The following SPOPL variants were observed in gnomAD, a reference collection of about 807,000 sequenced individuals.
SPOPL encodes speckle type BTB/POZ protein like.
Under a neutral mutation model 53.8 loss-of-function variants are expected in SPOPL, and 23 were observed. That is an observed-to-expected ratio of 0.43 (90% CI 0.31 to 0.61). SPOPL has a LOEUF of 0.61. Among genes scored for constraint, SPOPL ranks in the 20% least tolerant of loss-of-function variants. SPOPL has a pLI of 0.12. For missense variants in SPOPL, 442 were observed against 466.9 expected, an observed-to-expected ratio of 0.95 and a Z score of 0.49; for synonymous variants, 164 against 149.7, an observed-to-expected ratio of 1.10 and a Z score of -0.70.
At chr2:138,568,642 GA>G (rs768752058) in intron 10 of SPOPL, among the ~76,000 whole-genome samples, 21 of 152,094 alleles carry the variant, frequency 1.4e-4, no homozygotes, top group Non-Finnish European at 3.1e-4. Flanking sequence ...TAAAAGAAGA[GA>G]AAGGGACTCT....
chr2:138,542,678 A>C (rs1685100389), intron 1 of SPOPL, among the ~76,000 whole-genome samples: 1 of 151,542 alleles, frequency 6.6e-6, no homozygotes, highest in African/African-American at 2.4e-5. Flanking sequence ...ATGGGTCTTG[A>C]CTCTTTATCC....
At chr2:138,540,639 G>T (rs1477316905) in intron 1 of SPOPL, among the ~76,000 whole-genome samples, 17 of 152,152 alleles carry the variant, frequency 1.1e-4, no homozygotes, top group African/African-American at 1.9e-4. Flanking sequence ...AAGGAGATTT[G>T]GGGCTGAGAC....
chr2:138,552,731 G>A (rs1266856081), intron 5 of SPOPL, 50 bp downstream of exon 5: 1 of 1,570,484 alleles, frequency 6.4e-7, no homozygotes, highest in Non-Finnish European at 8.6e-7. Flanking sequence ...TAGTGATATG[G>A]CAAAAGTATA....
intron 1 of SPOPL, among the ~76,000 whole-genome samples, chr2:138,515,300 A>G (rs1421099433): frequency 1.3e-5 from 2 of 152,206 alleles, no homozygotes; most frequent in Non-Finnish European, 2.9e-5. Flanking sequence ...TAATTACACA[A>G]TGCTGGAATG....
At chr2:138,533,853 T>C (rs1219932113) in intron 1 of SPOPL, among the ~76,000 whole-genome samples, 3 of 152,116 alleles carry the variant, frequency 2.0e-5, no homozygotes, top group South Asian at 4.1e-4. Context: ...TAAACAAAAA[T>C]ACTGTATGTA....
intron 5 of SPOPL, among the ~76,000 whole-genome samples, chr2:138,555,766 G>A (rs907322750): frequency 1.3e-5 from 2 of 152,110 alleles, no homozygotes; most frequent in Admixed American, 6.6e-5. Context: ...AATGTTCCTT[G>A]TCTGTCTAAA....
At chr2:138,551,841 A>T (rs1685319712) in intron 4 of SPOPL, among the ~76,000 whole-genome samples, 1 of 152,006 alleles carries the variant, frequency 6.6e-6, no homozygotes, top group Non-Finnish European at 1.5e-5. Flanking sequence ...TACTTTCTGT[A>T]GAGGATCTTG....
chr2:138,567,372 A>AGTGTGTGT (rs57208490), intron 10 of SPOPL, among the ~76,000 whole-genome samples: 1,810 of 113,002 alleles, frequency 0.016, 36 homozygotes, highest in Non-Finnish European at 0.023. Flanking sequence ...AGAGCAGTAT[A>AGTGTGTGT]GTGTGTGTGT....
intron 1 of SPOPL, among the ~76,000 whole-genome samples, chr2:138,504,004 G>A (rs1684161805): frequency 6.6e-6 from 1 of 152,054 alleles, no homozygotes; most frequent in Admixed American, 6.6e-5. Flanking sequence ...AGTTTTTGCC[G>A]TATTTGCTTA....
intron 5 of SPOPL, among the ~76,000 whole-genome samples, chr2:138,556,444 C>A (rs1487707469): frequency 6.6e-6 from 1 of 152,158 alleles, no homozygotes; most frequent in Non-Finnish European, 1.5e-5. Flanking sequence ...ATGTATCATG[C>A]AAGCCATTGA....
rs113828903 is a variant in SPOPL at position 138,541,113 on chromosome 2, C to T, written c.-60-9044C>T. 5.6e-3 allele frequency among the ~76,000 whole-genome samples: 855 copies of T among 152,098 alleles called. 8 individuals are homozygous for T. The highest frequency in any genetic ancestry group is 0.019 in the African/African-American group (796 of 41,472). ...GAAGCCCACTTGTTCATCATGGATA[C>T]GCTTCTTGATGTGCTGCTGGATTCA... On this transcript the variant is annotated intron_variant, in intron 1 of 10. Coordinates refer to ENST00000280098, the MANE Select transcript of SPOPL (RefSeq NM_001001664.3).
At chr2:138,530,113 G>A (rs538877905) in intron 1 of SPOPL, among the ~76,000 whole-genome samples, 84 of 152,264 alleles carry the variant, frequency 5.5e-4, no homozygotes, top group African/African-American at 1.9e-3. Flanking sequence ...AAAGATAATG[G>A]CCTCCAGCTC....
chr2:138,520,548 A>AT (rs1367039292), intron 1 of SPOPL, among the ~76,000 whole-genome samples: 1 of 152,166 alleles, frequency 6.6e-6, no homozygotes, highest in Non-Finnish European at 1.5e-5. Context: ...GTTGTAGAAG[A>AT]TTTTATCTGG....
Position 138,551,697 on chromosome 2 carries a change from T to A in SPOPL, c.352+643T>A, listed in dbSNP as rs147156435. 6.6e-5 allele frequency among the ~76,000 whole-genome samples: 10 copies of A among 152,188 alleles called. No homozygotes were observed. In the East Asian group the frequency reaches 1.9e-3, roughly 29 times the overall value. On this transcript the variant is annotated intron_variant, in intron 4 of 10. Transcript: ENST00000280098. ...TGATTACAGAAAATTCACATTCACA[T>A]ACATTTTTAAATAATGTATTGCTAA...
In SPOPL at chr2:138,546,816, A is replaced by G. The variant is rs539278181; in HGVS notation, c.-60-3341A>G. Among the ~76,000 whole-genome samples, 12 of 152,364 alleles carry G rather than the reference A, an allele frequency of 7.9e-5. No homozygotes were observed. In the South Asian group the frequency reaches 2.3e-3, roughly 29 times the overall value. On this transcript the variant is annotated intron_variant, in intron 1 of 10. Transcript: ENST00000280098. The stretch of plus-strand genomic sequence containing the variant: ...ACAGAGCTACTGAAGAATGAACAAC[A>G]TATATAATATCTTGTAAAGTGCTCA...
chr2:138,562,783 CAAAAAA>C (rs35397774), intron 8 of SPOPL, among the ~76,000 whole-genome samples: 2 of 64,138 alleles, frequency 3.1e-5, no homozygotes, highest in Admixed American at 1.7e-4. Flanking sequence ...GATTCCATCT[CAAAAAA>C]AAAAAAAAAA....
intron 1 of SPOPL, among the ~76,000 whole-genome samples, chr2:138,535,555 C>CTTTTTTT (rs539254466): frequency 1.2e-5 from 1 of 86,932 alleles, no homozygotes. Context: ...ATTCTAGTAG[C>CTTTTTTT]TTTTTTTTTT....
At position 138,560,742 on chromosome 2, in the gene SPOPL, C is replaced by T. The variant is rs987589714; in HGVS notation, c.715-63C>T. On this transcript the variant is annotated intron_variant, in intron 7 of 10. Transcript: ENST00000280098. ...CTTTTAAATTACTGTCAAAGATTCA[C>T]TTTGGTTCATTTGTGTGTACTTTTT... The T allele has an allele frequency of 5.3e-4, 807 of 1,519,968 alleles. 3 individuals are homozygous for T. Among genetic ancestry groups the T allele is most frequent in the Non-Finnish European group, 6.6e-4 (745 of 1,132,878 alleles). 94.2% of individuals were successfully genotyped at this position (1,519,968 alleles called of 1,614,324 possible).
At chr2:138,527,605 T>TA (rs1684703544) in intron 1 of SPOPL, among the ~76,000 whole-genome samples, 1 of 152,252 alleles carries the variant, frequency 6.6e-6, no homozygotes, top group Admixed American at 6.5e-5. Context: ...AGAAATTTTT[T>TA]AAAAGTATAC....
Sources: allele counts gnomAD v4.1 joint callset (sites outside exome capture counted in the v4.1 genomes callset), GRCh38; gene constraint gnomAD v4.1.1; transcripts MANE v1.5; gene names NCBI Gene and HGNC (gene_info 2026-07-23, HGNC 2026-07-21).